The following TAF11L11 variants were observed in gnomAD, a reference collection of about 807,000 sequenced individuals.
TAF11L11 encodes the protein TATA-box binding protein associated factor 11 like 11.
downstream of TAF11L11, among the ~76,000 whole-genome samples, chr5:17,605,640 C>T (rs1739155476): frequency 6.6e-6 from 1 of 151,304 alleles, no homozygotes; most frequent in Admixed American, 6.6e-5. Context: ...AATCAAGGTG[C>T]CTGGGCCTAG....
At chr5:17,605,206 G>A (rs1739142472) in exon 1 of TAF11L11, 2 of 395,548 alleles carry the variant, frequency 5.1e-6, no homozygotes, top group Admixed American at 8.9e-5. Flanking sequence ...CCATTGCCAT[G>A]GCTGGAATAG....
At chr5:17,605,846 G>T (rs112944942), downstream of TAF11L11, among the ~76,000 whole-genome samples, 3 of 151,222 alleles carry the variant, frequency 2.0e-5, no homozygotes, top group Non-Finnish European at 4.4e-5. Context: ...GTATTTTTGT[G>T]AGTCATCACA....
exon 1 of TAF11L11, chr5:17,605,001 C>G (rs1739136997): frequency 2.5e-6 from 1 of 393,634 alleles, no homozygotes; most frequent in Admixed American, 4.5e-5. Context: ...AGGCAGAAAA[C>G]AGATACCAAG....
At chr5:17,604,782 T>C in exon 1 of TAF11L11, 1 of 385,068 alleles carries the variant, frequency 2.6e-6, no homozygotes, top group Non-Finnish European at 4.6e-6. Flanking sequence ...ATCTCACCCA[T>C]GGAGACAGGC....
chr5:17,604,540 G>A (rs62350314), exon 1 of TAF11L11: 13 of 238,536 alleles, frequency 5.4e-5, no homozygotes, highest in East Asian at 2.5e-4. Context: ...ATTGATCTAA[G>A]ACTAATATAC....
exon 1 of TAF11L11, chr5:17,605,068 C>G (rs1391401777): frequency 1.3e-5 from 5 of 394,336 alleles, no homozygotes. Flanking sequence ...GGATGACAAC[C>G]CTGTTTTCTG....
downstream of TAF11L11, among the ~76,000 whole-genome samples, chr5:17,605,585 T>G (rs79649870): frequency 6.6e-6 from 1 of 151,276 alleles, no homozygotes; most frequent in Admixed American, 6.6e-5. Flanking sequence ...TTTGGACATT[T>G]TAATGGTGTG....
In TAF11L11 at chr5:17,604,969, C is replaced by T. The variant is rs76815184; in HGVS notation, c.189C>T (p.Ala63=). ...CAGAAGGTGACAATGAAGCGTCAGC[C>T]TCAACTCCTCCTTCAGCTAAAAGGC... Residue 63 remains alanine, a synonymous_variant, in exon 1 of 1, where the codon GCC becomes GCT. Coordinates refer to ENST00000510838, the Ensembl canonical transcript of TAF11L11. The T allele has an allele frequency of 4.6e-3, 1,792 of 393,008 alleles. 87 individuals are homozygous for T. Among genetic ancestry groups the T allele is most frequent in the African/African-American group, 0.034 (1,630 of 48,268 alleles). 24.3% of individuals were successfully genotyped at this position (393,008 alleles called of 1,614,324 possible).
chr5:17,604,451 T>C lies in TAF11L11; in HGVS notation c.-330T>C, dbSNP rs551658706. The stretch of plus-strand genomic sequence containing the variant: ...TCATGTGACTCTGAGCAGGAGGCAG[T>C]CACTTGGCCTAGCAGAACTTCTGAC... On this transcript the variant is annotated 5_prime_UTR_variant, in exon 1 of 1. Transcript: ENST00000510838. 1.4e-4 allele frequency: 23 copies of C among 169,874 alleles called. 1 individual carries two copies. The highest frequency in any genetic ancestry group is 1.1e-3 in the Admixed American group (17 of 15,768). 10.5% of individuals were successfully genotyped at this position (169,874 alleles called of 1,614,324 possible). A position where few individuals can be genotyped will look rare whatever the true frequency, so the allele number is the denominator to read the frequency against.
At chr5:17,605,048 G>A (rs1739138350) in exon 1 of TAF11L11, 1 of 394,290 alleles carries the variant, frequency 2.5e-6, no homozygotes, top group African/African-American at 2.1e-5. Flanking sequence ...GGATGCAGAG[G>A]AGGCTCAGAG....
exon 1 of TAF11L11, chr5:17,604,940 C>G: frequency 2.5e-6 from 1 of 392,382 alleles, no homozygotes; most frequent in Non-Finnish European, 4.5e-6. Context: ...TGTCATGGAC[C>G]TCACAGAAGG....
downstream of TAF11L11, among the ~76,000 whole-genome samples, chr5:17,605,895 A>T (rs192781499): frequency 3.2e-3 from 489 of 151,528 alleles, 13 homozygotes; most frequent in African/African-American, 0.011. Context: ...AGAAATAAAA[A>T]TAAAGTCACA....
At chr5:17,604,653 A>G (rs1000173179) in exon 1 of TAF11L11, 1 of 345,006 alleles carries the variant, frequency 2.9e-6, no homozygotes, top group African/African-American at 2.1e-5. Flanking sequence ...TTATGGTTAA[A>G]CTGGCACAGC....
rs1579616136 is a variant in TAF11L11, at chr5:17,605,320, C to G, written c.540C>G (p.Arg180=). The change falls in exon 1 of 1, where the codon CGC becomes CGG. Residue 180 remains arginine, a synonymous_variant. Coordinates refer to ENST00000510838, the Ensembl canonical transcript of TAF11L11. ...CCAAGCATTTACGGGAGGCTGTTCG[C>G]AGGTTAAAGCCCAAGGGCATCCTCC... 1.3e-5 allele frequency: 5 copies of G among 394,080 alleles called. No homozygotes were observed. In the East Asian group the frequency reaches 1.8e-4, roughly 14 times the overall value. 24.4% of individuals were successfully genotyped at this position (394,080 alleles called of 1,614,324 possible).
downstream of TAF11L11, chr5:17,605,383 A>G (rs1417490289): frequency 5.1e-6 from 2 of 393,344 alleles, no homozygotes; most frequent in East Asian, 7.2e-5. Flanking sequence ...TCTAGGCCTA[A>G]GGACAGAGGG....
chr5:17,604,903 T>A (rs1349157382), exon 1 of TAF11L11: 1 of 391,344 alleles, frequency 2.6e-6, no homozygotes, highest in African/African-American at 2.1e-5. Flanking sequence ...AACCCAGGGA[T>A]CAGGAAAGTG....
At chr5:17,605,366 A>C in exon 1 of TAF11L11, 1 of 393,788 alleles carries the variant, frequency 2.5e-6, no homozygotes, top group Middle Eastern at 6.4e-4. Context: ...CTACAAAAAA[A>C]TCATGTTCTA....
At chr5:17,605,472 C>G (rs1290011205), downstream of TAF11L11, 9 of 388,658 alleles carry the variant, frequency 2.3e-5, no homozygotes, top group Non-Finnish European at 3.6e-5. Context: ...TTCCTTATCT[C>G]AGTCCACCCT....
At chr5:17,605,574 A>C (rs79891869), downstream of TAF11L11, among the ~76,000 whole-genome samples, 16 of 151,404 alleles carry the variant, frequency 1.1e-4, no homozygotes, top group East Asian at 7.8e-4. Context: ...TTGGCTAAAT[A>C]TTTGGACATT....
Sources: allele counts gnomAD v4.1 joint callset (sites outside exome capture counted in the v4.1 genomes callset), GRCh38; gene constraint gnomAD v4.1.1; transcripts MANE v1.5; gene names NCBI Gene and HGNC (gene_info 2026-07-23, HGNC 2026-07-21).